The following NHEJ1 variants were observed in gnomAD, a reference collection of about 807,000 sequenced individuals.
NHEJ1 encodes the protein non-homologous end joining factor 1.
In NHEJ1, 22 loss-of-function variants were observed where a neutral mutation model predicts 39.4. The observed-to-expected ratio is 0.56, with a 90% confidence interval of 0.40 to 0.80. The LOEUF (loss-of-function observed/expected upper bound fraction) is 0.80. Ranked by LOEUF, NHEJ1 falls within the 30% of genes least tolerant of loss-of-function variation. The pLI is 0.00. For synonymous variants in NHEJ1, 154 were observed against 135.6 expected, an observed-to-expected ratio of 1.14 and a Z score of -0.94; for missense variants, 329 against 357.1, an observed-to-expected ratio of 0.92 and a Z score of 0.63.
intron 5 of NHEJ1, among the ~76,000 whole-genome samples, chr2:219,086,706 A>G (rs550528190): frequency 2.0e-4 from 30 of 152,042 alleles, no homozygotes; most frequent in African/African-American, 7.2e-4. Context: ...TCTGCCCCCA[A>G]AGAAAAATAA....
At chr2:219,152,562 G>A (rs1055273506) in intron 3 of NHEJ1, among the ~76,000 whole-genome samples, 9 of 151,732 alleles carry the variant, frequency 5.9e-5, no homozygotes, top group African/African-American at 2.2e-4. Flanking sequence ...GGGCTCAAGT[G>A]ATTCTCCCAC....
rs1022679483 is a variant in NHEJ1 at position 219,073,437 on chromosome 2, C to T, written c.*2944G>A. 3.3e-5 allele frequency among the ~76,000 whole-genome samples: 5 copies of T among 152,114 alleles called. No individual in the cohort carries two copies. Among genetic ancestry groups the T allele is most frequent in the Admixed American group, 6.5e-5 (1 of 15,274 alleles). ...CTGCTTTTAAGGGTTGCTGGGGAAGCCCCCACTGAGGCATGAGAAAAGGAG... is the reference window on the plus strand; with the variant it reads ...CTGCTTTTAAGGGTTGCTGGGGAAGTCCCCACTGAGGCATGAGAAAAGGAG... On this transcript the variant is annotated 3_prime_UTR_variant, in exon 8 of 8. Transcript: ENST00000356853.
intron 7 of NHEJ1, 102 bp from the exon 8 acceptor site, chr2:219,076,557 CTTTTTTTTT>C: frequency 5.7e-5 from 26 of 457,390 alleles, no homozygotes; most frequent in African/African-American, 1.2e-4. Flanking sequence ...AGGATGAGGC[CTTTTTTTTT>C]TTTTTTTTTT....
intron 5 of NHEJ1, among the ~76,000 whole-genome samples, chr2:219,126,872 T>C (rs1215752971): frequency 3.3e-5 from 5 of 152,260 alleles, no homozygotes; most frequent in Non-Finnish European, 5.9e-5. Context: ...GGGAACGGCA[T>C]GTGCCAAGGA....
At chr2:219,131,109 A>G (rs549220724) in intron 5 of NHEJ1, among the ~76,000 whole-genome samples, 1 of 152,168 alleles carries the variant, frequency 6.6e-6, no homozygotes, top group South Asian at 2.1e-4. Context: ...AAAAAAACAA[A>G]CAAACTGCAG....
chr2:219,142,696 T>C (rs1426000390), intron 5 of NHEJ1, among the ~76,000 whole-genome samples: 6 of 152,220 alleles, frequency 3.9e-5, no homozygotes, highest in Non-Finnish European at 8.8e-5. Context: ...TAGTTCCTAC[T>C]GCCGTGTAAC....
chr2:219,144,822 T>G (rs1949720707), intron 5 of NHEJ1, among the ~76,000 whole-genome samples: 2 of 152,156 alleles, frequency 1.3e-5, no homozygotes, highest in South Asian at 4.1e-4. Context: ...ATACCTAAAC[T>G]TATAGACAGG....
chr2:219,159,539 A>C (rs1949896302), intron 1 of NHEJ1, among the ~76,000 whole-genome samples: 1 of 25,284 alleles, frequency 4.0e-5, no homozygotes, highest in Non-Finnish European at 7.8e-5. Context: ...ATATATATGC[A>C]TATATATATA....
chr2:219,138,500 G>A (rs1949659739), intron 5 of NHEJ1, among the ~76,000 whole-genome samples: 1 of 152,170 alleles, frequency 6.6e-6, no homozygotes, highest in South Asian at 2.1e-4. Flanking sequence ...AAAAAAGAGT[G>A]GGAAGATATG....
intron 7 of NHEJ1, 136 bp downstream of exon 7, chr2:219,077,110 A>C: frequency 1.4e-6 from 1 of 728,082 alleles, no homozygotes; most frequent in South Asian, 1.5e-5. Flanking sequence ...GACACCTACA[A>C]TTTGGAGCCT....
chr2:219,122,200 A>AG (rs1949477806), intron 5 of NHEJ1, among the ~76,000 whole-genome samples: 1 of 152,176 alleles, frequency 6.6e-6, no homozygotes, highest in East Asian at 1.9e-4. Context: ...TTATTCAAGA[A>AG]GTCACAAAAA....
intron 5 of NHEJ1, among the ~76,000 whole-genome samples, chr2:219,113,374 T>C (rs909113403): frequency 1.3e-5 from 2 of 151,992 alleles, no homozygotes; most frequent in Non-Finnish European, 2.9e-5. Context: ...TGGACAGGAA[T>C]AGAAAAGGGG....
chr2:219,154,913 A>C (rs1451769099), intron 3 of NHEJ1, among the ~76,000 whole-genome samples: 1 of 147,290 alleles, frequency 6.8e-6, no homozygotes, highest in East Asian at 1.9e-4. Flanking sequence ...ATTACATATT[A>C]TATTAATATA....
intron 5 of NHEJ1, among the ~76,000 whole-genome samples, chr2:219,137,763 A>G (rs1296716636): frequency 6.6e-6 from 1 of 152,008 alleles, no homozygotes; most frequent in Non-Finnish European, 1.5e-5. Flanking sequence ...CCCACCTAAA[A>G]TGTCTTCCAC....
rs1347352606 is a variant in NHEJ1 at position 219,071,788 on chromosome 2, G to A, written c.*4593C>T. Among the ~76,000 whole-genome samples, 18 of 152,206 alleles carry A rather than the reference G, an allele frequency of 1.2e-4. No homozygotes were observed. The highest frequency in any genetic ancestry group is 3.9e-4 in the African/African-American group (16 of 41,450). On this transcript the variant is annotated 3_prime_UTR_variant, in exon 8 of 8. Coordinates refer to ENST00000356853, the MANE Select transcript of NHEJ1 (RefSeq NM_024782.3). ...TGCTTCTTCCGGGTTCCCCTGGTAG[G>A]CTGGCCCAGATTCTTGAGAACCCAT... is the stretch of plus-strand genomic sequence containing the variant.
rs767636434 is a variant in NHEJ1 at position 219,077,240 on chromosome 2, A to T, written c.825+6T>A. ...AACACCATCCAGGAAGCTGCTCATGACTCACCGTGGACTCTTTCTCAGGTG... is the reference window on the plus strand; with the variant it reads ...AACACCATCCAGGAAGCTGCTCATGTCTCACCGTGGACTCTTTCTCAGGTG... On this transcript the variant is annotated splice_donor_region_variant and intron_variant, in intron 7 of 7. Coordinates refer to ENST00000356853, the MANE Select transcript of NHEJ1 (RefSeq NM_024782.3). 1 of 1,607,344 alleles carries T rather than the reference A, an allele frequency of 6.2e-7. No individual in the cohort carries two copies. Among genetic ancestry groups the T allele is most frequent in the Non-Finnish European group, 8.5e-7 (1 of 1,174,078 alleles).
At chr2:219,153,696 G>GC (rs986855670) in intron 3 of NHEJ1, among the ~76,000 whole-genome samples, 12 of 128,686 alleles carry the variant, frequency 9.3e-5, no homozygotes, top group Middle Eastern at 3.5e-3. Context: ...AAGAAAAGGG[G>GC]GGGGGGGTGG....
chr2:219,110,705 AGT>A (rs148719431), intron 5 of NHEJ1, among the ~76,000 whole-genome samples: 2,427 of 152,082 alleles, frequency 0.016, 65 homozygotes, highest in African/African-American at 0.055. Context: ...ACCTGAAGGA[AGT>A]GAAGGAATGA....
chr2:219,080,397 C>T (rs1434655024), intron 5 of NHEJ1, among the ~76,000 whole-genome samples: 2 of 151,658 alleles, frequency 1.3e-5, no homozygotes, highest in Non-Finnish European at 2.9e-5. Flanking sequence ...CGGTGGTGGG[C>T]GCCTGTAGTC....
Sources: gnomAD v4.1 joint callset for allele counts (sites outside exome capture counted in the v4.1 genomes callset) on GRCh38, gnomAD v4.1.1 for gene constraint, MANE v1.5 for transcripts, NCBI Gene and HGNC (gene_info 2026-07-23, HGNC 2026-07-21) for gene names.